Variants in CTNNA3 observed in about 807,000 individuals in gnomAD.
CTNNA3 encodes the protein catenin alpha 3, also known as catenin alpha-3.
In CTNNA3, 76 loss-of-function variants were observed where a neutral mutation model predicts 95.7. The observed-to-expected ratio is 0.79, with a 90% confidence interval of 0.66 to 0.96. The LOEUF (loss-of-function observed/expected upper bound fraction) is 0.96, where lower values mean the gene tolerates loss of function less well. CTNNA3 is among the 40% of genes least tolerant of loss of function. The pLI is 0.00. For missense variants in CTNNA3, 1,191 were observed against 1,089.8 expected (o/e 1.09, Z -1.31); for synonymous variants, 431 against 374.4 (o/e 1.15, Z -1.74).
intron 10 of CTNNA3, among the ~76,000 whole-genome samples, chr10:66,547,269 A>C (rs774134788): frequency 1.3e-5 from 2 of 151,702 alleles, no homozygotes; most frequent in Non-Finnish European, 2.9e-5. Flanking sequence ...AAAATATTGG[A>C]TAGACAGCAC....
intron 13 of CTNNA3, among the ~76,000 whole-genome samples, chr10:66,124,372 T>C (rs1048468893): frequency 1.3e-5 from 2 of 152,218 alleles, no homozygotes; most frequent in Admixed American, 1.3e-4. Flanking sequence ...CTGGATTTCA[T>C]TGTCCATATC....
chr10:66,255,916 G>T (rs536106621), intron 13 of CTNNA3, among the ~76,000 whole-genome samples: 4 of 152,116 alleles, frequency 2.6e-5, no homozygotes, highest in Admixed American at 1.3e-4. Context: ...ATATATTTGT[G>T]GTATTAACTA....
At chr10:67,255,516 A>G (rs1262984536) in intron 5 of CTNNA3, among the ~76,000 whole-genome samples, 2 of 152,144 alleles carry the variant, frequency 1.3e-5, no homozygotes, top group Non-Finnish European at 2.9e-5. Context: ...AGTGCTTATT[A>G]CTGGTGCTTA....
At chr10:67,259,017 T>C (rs561048977) in intron 5 of CTNNA3, among the ~76,000 whole-genome samples, 76 of 152,338 alleles carry the variant, frequency 5.0e-4, no homozygotes, top group African/African-American at 1.7e-3. Context: ...AAATAATTGT[T>C]GTACTATATT....
intron 5 of CTNNA3, among the ~76,000 whole-genome samples, chr10:67,315,164 C>G (rs977129999): frequency 6.6e-5 from 10 of 152,190 alleles, no homozygotes; most frequent in African/African-American, 2.4e-4. Context: ...TTTATTCTGT[C>G]TACCTCAAGT....
chr10:66,724,440 A>C (rs1385536303), intron 9 of CTNNA3, among the ~76,000 whole-genome samples: 1 of 152,194 alleles, frequency 6.6e-6, no homozygotes, highest in African/African-American at 2.4e-5. Flanking sequence ...GAGGAACAGC[A>C]GGCTAATCAT....
intron 7 of CTNNA3, among the ~76,000 whole-genome samples, chr10:66,913,829 G>A (rs1469762984): frequency 6.6e-6 from 1 of 152,138 alleles, no homozygotes; most frequent in African/African-American, 2.4e-5. Context: ...TTATTTTCTG[G>A]CAAATTCAAA....
intron 11 of CTNNA3, among the ~76,000 whole-genome samples, chr10:66,386,887 A>G (rs540854541): frequency 1.1e-3 from 168 of 152,348 alleles, no homozygotes; most frequent in Non-Finnish European, 1.7e-3. Flanking sequence ...AAAACTGGCT[A>G]GCCATATGTA....
intron 9 of CTNNA3, among the ~76,000 whole-genome samples, chr10:66,695,067 G>A (rs1284781802): frequency 6.6e-6 from 1 of 152,120 alleles, no homozygotes; most frequent in Non-Finnish European, 1.5e-5. Context: ...GCACCTAAAG[G>A]AATTGACCAC....
chr10:67,333,522 A>G (rs1380342336), intron 5 of CTNNA3, among the ~76,000 whole-genome samples: 1 of 152,214 alleles, frequency 6.6e-6, no homozygotes, highest in Non-Finnish European at 1.5e-5. Flanking sequence ...AAGGAACTGT[A>G]CTTTTTTGTC....
intron 13 of CTNNA3, among the ~76,000 whole-genome samples, chr10:66,140,486 A>T (rs1003531258): frequency 3.9e-5 from 6 of 152,226 alleles, no homozygotes; most frequent in African/African-American, 1.2e-4. Flanking sequence ...ACAGAGATCT[A>T]TGTTACGATT....
At chr10:66,241,751 C>T (rs2090119232) in intron 13 of CTNNA3, among the ~76,000 whole-genome samples, 1 of 151,156 alleles carries the variant, frequency 6.6e-6, no homozygotes, top group African/African-American at 2.4e-5. Context: ...GGGGTAAGAC[C>T]TAAATAATTG....
intron 13 of CTNNA3, among the ~76,000 whole-genome samples, chr10:66,230,968 G>A (rs964164962): frequency 6.6e-6 from 1 of 152,180 alleles, no homozygotes; most frequent in African/African-American, 2.4e-5. Context: ...ATATGGAGGT[G>A]CAGGGGCTAT....
chr10:66,471,035 G>C (rs755074831), intron 11 of CTNNA3, among the ~76,000 whole-genome samples: 5 of 151,728 alleles, frequency 3.3e-5, no homozygotes, highest in Non-Finnish European at 4.4e-5. Flanking sequence ...GAGAAAAAAC[G>C]GTCATCATCA....
intron 3 of CTNNA3, among the ~76,000 whole-genome samples, chr10:67,601,793 A>G (rs1227227865): frequency 6.6e-6 from 1 of 152,202 alleles, no homozygotes; most frequent in East Asian, 1.9e-4. Context: ...AGTATTACTT[A>G]CAATGTGAAC....
intron 1 of CTNNA3, among the ~76,000 whole-genome samples, chr10:67,651,041 G>A (rs937511196): frequency 6.6e-6 from 1 of 151,404 alleles, no homozygotes; most frequent in Admixed American, 6.6e-5. Context: ...TTTTACATAA[G>A]TTGTCATGTT....
chr10:66,785,693 C>A (rs1274290337), intron 7 of CTNNA3, among the ~76,000 whole-genome samples: 1 of 152,168 alleles, frequency 6.6e-6, no homozygotes, highest in Admixed American at 6.6e-5. Context: ...CTCCAGCTTG[C>A]ACACAGCAGA....
chr10:66,707,691 G>A (rs1027793066), intron 9 of CTNNA3, among the ~76,000 whole-genome samples: 1 of 151,906 alleles, frequency 6.6e-6, no homozygotes, highest in African/African-American at 2.4e-5. Context: ...CAATTTCTTG[G>A]GTGGAAATAC....
At chr10:67,345,418 C>A (rs1048487808) in intron 5 of CTNNA3, among the ~76,000 whole-genome samples, 1 of 152,014 alleles carries the variant, frequency 6.6e-6, no homozygotes, top group Non-Finnish European at 1.5e-5. Context: ...CTGTTCAATG[C>A]TGAAAGTGGG....
Sources: gnomAD v4.1 joint callset for allele counts (sites outside exome capture counted in the v4.1 genomes callset) on GRCh38, gnomAD v4.1.1 for gene constraint, MANE v1.5 for transcripts, NCBI Gene and HGNC (gene_info 2026-07-23, HGNC 2026-07-21) for gene names.